The following ZPLD1 variants were observed in gnomAD, a reference collection of about 807,000 sequenced individuals.
The protein encoded by ZPLD1 is zona pellucida-like domain-containing protein 1.
Under a neutral mutation model 47.2 loss-of-function variants are expected in ZPLD1, and 34 were observed. The observed-to-expected ratio is 0.72, with a 90% confidence interval of 0.55 to 0.96. The LOEUF (loss-of-function observed/expected upper bound fraction) is 0.96, where lower values mean the gene tolerates loss of function less well. Ranked by LOEUF, ZPLD1 falls within the 40% of genes least tolerant of loss-of-function variation. ZPLD1 has a pLI of 0.00. For synonymous variants in ZPLD1, 176 were observed against 186.2 expected, an observed-to-expected ratio of 0.95 and a Z score of 0.45; for missense variants, 512 against 505.8, an observed-to-expected ratio of 1.01 and a Z score of -0.12.
chr3:102,422,398 C>A (rs1160987465), intron 8 of ZPLD1, among the ~76,000 whole-genome samples: 1 of 151,974 alleles, frequency 6.6e-6, no homozygotes, highest in Non-Finnish European at 1.5e-5. Context: ...AAATATCCTA[C>A]AATGTTGTTA....
At position 102,447,468 on chromosome 3, in the gene ZPLD1, C is replaced by T. The variant is rs149669707; in HGVS notation, c.107-5451C>T. 9.5e-3 allele frequency among the ~76,000 whole-genome samples: 1,452 copies of T among 152,324 alleles called. 21 individuals carry two copies. The highest frequency in any genetic ancestry group is 0.033 in the African/African-American group (1,365 of 41,574). ...GATGAAGAAATATCTTGAGTCATTG[C>T]ACTACAGTGCTGAGTTCCAGCCTAC... On this transcript the variant is annotated intron_variant, in intron 3 of 11. Transcript: ENST00000466937.
upstream of ZPLD1, among the ~76,000 whole-genome samples, chr3:102,432,650 T>C (rs1231517433): frequency 2.6e-5 from 4 of 152,186 alleles, no homozygotes; most frequent in African/African-American, 9.7e-5. Context: ...AGGGGTGCTA[T>C]TTAATAAATT....
intron 9 of ZPLD1, 85 bp downstream of exon 9, chr3:102,469,220 A>C: frequency 1.4e-6 from 2 of 1,402,264 alleles, no homozygotes; most frequent in Non-Finnish European, 1.9e-6. Flanking sequence ...AGTTCTGCAT[A>C]GAAAGTGGAT....
intron 7 of ZPLD1, among the ~76,000 whole-genome samples, chr3:102,416,968 A>G (rs1448350014): frequency 6.6e-6 from 1 of 152,052 alleles, no homozygotes; most frequent in African/African-American, 2.4e-5. Context: ...CATTAGATTT[A>G]AAATCACTTA....
At chr3:102,391,941 A>G (rs536395511) in intron 6 of ZPLD1, among the ~76,000 whole-genome samples, 2 of 152,266 alleles carry the variant, frequency 1.3e-5, no homozygotes, top group East Asian at 1.9e-4. Context: ...GCTCATAGCT[A>G]AGAATAAGTT....
chr3:102,420,243 T>C (rs769723958), intron 8 of ZPLD1, among the ~76,000 whole-genome samples: 30 of 152,044 alleles, frequency 2.0e-4, no homozygotes, highest in Non-Finnish European at 3.7e-4. Context: ...TAATGGAAAA[T>C]GGCCTTTGTC....
chr3:102,415,037 T>G (rs1190546143), intron 7 of ZPLD1, among the ~76,000 whole-genome samples: 2 of 151,890 alleles, frequency 1.3e-5, no homozygotes, highest in Non-Finnish European at 2.9e-5. Flanking sequence ...AATTACTTGT[T>G]GAGCTGGGAA....
At chr3:102,402,457 G>A (rs1270188717) in intron 7 of ZPLD1, among the ~76,000 whole-genome samples, 1 of 151,992 alleles carries the variant, frequency 6.6e-6, no homozygotes, top group Non-Finnish European at 1.5e-5. Context: ...AATTTAAGTA[G>A]GATGCTGTGT....
At position 102,435,119 on chromosome 3, in the gene ZPLD1, T is replaced by A. The variant is rs778909571; in HGVS notation, c.-158T>A. On this transcript the variant is annotated 5_prime_UTR_variant, in exon 1 of 12. The change abolishes an upstream ATG in the 5' untranslated region. Transcript: ENST00000466937. Reference sequence around the variant, plus strand: ...CTCCAAGCTTGCTATGGCAAGATGATGCTCAGGTTTTCCATGTGCAGGGGA... The same window carrying A: ...CTCCAAGCTTGCTATGGCAAGATGAAGCTCAGGTTTTCCATGTGCAGGGGA... The A allele has an allele frequency of 1.2e-6, 2 of 1,614,194 alleles. No homozygotes were observed. The highest frequency in any genetic ancestry group is 2.2e-5 in the South Asian group (2 of 91,086).
At chr3:102,397,275 C>T (rs191423726) in intron 7 of ZPLD1, among the ~76,000 whole-genome samples, 2 of 152,244 alleles carry the variant, frequency 1.3e-5, no homozygotes, top group African/African-American at 4.8e-5. Flanking sequence ...GGAGAGCTCC[C>T]ACACCAGAAT....
chr3:102,424,779 C>T (rs1436889187), intron 8 of ZPLD1, among the ~76,000 whole-genome samples: 1 of 152,198 alleles, frequency 6.6e-6, no homozygotes, highest in East Asian at 1.9e-4. Context: ...CTAAGATGTT[C>T]CCTTCCATTC....
chr3:102,441,481 C>A (rs1576149540), intron 3 of ZPLD1, among the ~76,000 whole-genome samples: 1 of 152,150 alleles, frequency 6.6e-6, no homozygotes, highest in African/African-American at 2.4e-5. Flanking sequence ...TGGTTAAGAA[C>A]AACTGATAGT....
chr3:102,407,442 T>TATATATATAC (rs1553708474), intron 7 of ZPLD1, among the ~76,000 whole-genome samples: 47 of 95,450 alleles, frequency 4.9e-4, no homozygotes, highest in Non-Finnish European at 6.9e-4. Context: ...TATATATATA[T>TATATATATAC]ACACACATAT....
chr3:102,404,799 T>G (rs147520197), intron 7 of ZPLD1, among the ~76,000 whole-genome samples: 212 of 152,122 alleles, frequency 1.4e-3, no homozygotes, highest in Non-Finnish European at 2.5e-3. Context: ...CTACTTATTT[T>G]CTTCCTAGAG....
chr3:102,387,842 G>C (rs1706447545), intron 6 of ZPLD1, among the ~76,000 whole-genome samples: 2 of 145,258 alleles, frequency 1.4e-5, no homozygotes, highest in African/African-American at 5.0e-5. Context: ...CTTCAGTTCT[G>C]AGAAATTCTT....
intron 7 of ZPLD1, among the ~76,000 whole-genome samples, chr3:102,392,518 T>G (rs1576122630): frequency 6.7e-6 from 1 of 150,356 alleles, no homozygotes; most frequent in South Asian, 2.1e-4. Context: ...CTTTCTTCCT[T>G]CCTTCCTTCC....
intron 10 of ZPLD1, among the ~76,000 whole-genome samples, chr3:102,471,811 G>A (rs761202153): frequency 6.6e-5 from 10 of 152,256 alleles, no homozygotes; most frequent in South Asian, 2.1e-4. Context: ...AAAGTTTTAA[G>A]ATATTTCTTC....
intron 8 of ZPLD1, among the ~76,000 whole-genome samples, chr3:102,466,734 A>T (rs1707599082): frequency 6.6e-6 from 1 of 152,046 alleles, no homozygotes; most frequent in African/African-American, 2.4e-5. Context: ...ACAGTGTGGG[A>T]CATGAAAGAT....
Position 102,436,934 on chromosome 3 carries a change from C to A in ZPLD1, c.-48C>A, listed in dbSNP as rs10511195. ...TCTTCCAGGAGTTCTTGGGACCCAT[C>A]ATGAGAAGGAAGTGGTGGAGCATGG... is the stretch of plus-strand genomic sequence containing the variant. On this transcript the variant is annotated 5_prime_UTR_variant, in exon 2 of 12. An upstream open reading frame in the 5' UTR gains an earlier in-frame stop. Coordinates refer to ENST00000466937, the MANE Select transcript of ZPLD1 (RefSeq NM_001329788.2). 3 of 985,200 alleles carry A rather than the reference C, an allele frequency of 3.0e-6. No individual in the cohort carries two copies. The highest frequency in any genetic ancestry group is 1.7e-5 in the African/African-American group (1 of 57,208). 61.0% of individuals were successfully genotyped at this position (985,200 alleles called of 1,614,324 possible).
Sources: gnomAD v4.1 joint callset for allele counts (sites outside exome capture counted in the v4.1 genomes callset) on GRCh38, gnomAD v4.1.1 for gene constraint, MANE v1.5 for transcripts, NCBI Gene and HGNC (gene_info 2026-07-23, HGNC 2026-07-21) for gene names.